The following MACROD2 variants were observed in gnomAD, a reference collection of about 807,000 sequenced individuals.
The protein encoded by MACROD2 is mono-ADP ribosylhydrolase 2.
MACROD2 carries 36 observed loss-of-function variants against 70.4 expected under a neutral mutation model. The observed-to-expected ratio is 0.51, with a 90% CI of 0.39 to 0.68. The LOEUF (loss-of-function observed/expected upper bound fraction) is 0.68. MACROD2 is among the 30% of genes least tolerant of loss of function. MACROD2 has a pLI of 0.00. For missense variants in MACROD2, 496 were observed against 538.4 expected, an observed-to-expected ratio of 0.92 and a Z score of 0.78; for synonymous variants, 172 against 178.8, an observed-to-expected ratio of 0.96 and a Z score of 0.30.
chr20:14,904,201 C>G (rs185180035), intron 5 of MACROD2, among the ~76,000 whole-genome samples: 1 of 152,084 alleles, frequency 6.6e-6, no homozygotes, highest in Non-Finnish European at 1.5e-5. Context: ...GTAGAACTAG[C>G]AACAGTGGAA....
chr20:15,662,713 G>GA (rs1287593571), intron 8 of MACROD2, among the ~76,000 whole-genome samples: 2,273 of 106,154 alleles, frequency 0.021, 64 homozygotes, highest in African/African-American at 0.073. Flanking sequence ...AGCTCAGAGA[G>GA]GGTTTTTTTT....
chr20:14,624,764 G>A (rs993707794), intron 4 of MACROD2, among the ~76,000 whole-genome samples: 18 of 152,280 alleles, frequency 1.2e-4, no homozygotes, highest in African/African-American at 4.1e-4. Context: ...TGCATCCAAG[G>A]TGGGGGATGT....
At chr20:14,887,485 A>T (rs2073694299) in intron 5 of MACROD2, among the ~76,000 whole-genome samples, 1 of 150,566 alleles carries the variant, frequency 6.6e-6, no homozygotes, top group Admixed American at 6.6e-5. Flanking sequence ...CTCTGCCTCT[A>T]AGGGTCAAGT....
intron 6 of MACROD2, among the ~76,000 whole-genome samples, chr20:15,303,762 T>G (rs2077669551): frequency 6.6e-6 from 1 of 152,222 alleles, no homozygotes; most frequent in Non-Finnish European, 1.5e-5. Flanking sequence ...CGTATTTTTT[T>G]CATGCCCCCA....
chr20:15,441,519 T>C (rs2046494640), intron 7 of MACROD2, among the ~76,000 whole-genome samples: 1 of 152,154 alleles, frequency 6.6e-6, no homozygotes, highest in Non-Finnish European at 1.5e-5. Flanking sequence ...ATGAACAATT[T>C]TGGGACTTAA....
chr20:15,044,976 A>G (rs2075382004), intron 5 of MACROD2, among the ~76,000 whole-genome samples: 1 of 152,132 alleles, frequency 6.6e-6, no homozygotes, highest in Admixed American at 6.6e-5. Context: ...CCTTATGTCA[A>G]TGTAAGAGTT....
At chr20:15,257,301 C>T (rs1051811903) in intron 6 of MACROD2, among the ~76,000 whole-genome samples, 2 of 151,870 alleles carry the variant, frequency 1.3e-5, no homozygotes, top group Non-Finnish European at 2.9e-5. Flanking sequence ...AAATGGAAGC[C>T]TCTGGGGGCA....
At chr20:14,921,616 C>CTGTT (rs1326620712) in intron 5 of MACROD2, among the ~76,000 whole-genome samples, 1 of 152,156 alleles carries the variant, frequency 6.6e-6, no homozygotes, top group East Asian at 1.9e-4. Flanking sequence ...GCTGGCCCAG[C>CTGTT]TGTTAGGATA....
chr20:15,083,888 G>C (rs974950521), intron 5 of MACROD2, among the ~76,000 whole-genome samples: 1 of 152,026 alleles, frequency 6.6e-6, no homozygotes, highest in East Asian at 1.9e-4. Context: ...CCTATGTTCT[G>C]TATCTCTGTA....
At chr20:15,252,863 A>G (rs1284377602) in intron 6 of MACROD2, among the ~76,000 whole-genome samples, 1 of 152,160 alleles carries the variant, frequency 6.6e-6, no homozygotes, top group Non-Finnish European at 1.5e-5. Flanking sequence ...TGCCACCTAC[A>G]GAGCCAGCTG....
chr20:15,440,502 A>G (rs1403810876), intron 7 of MACROD2, among the ~76,000 whole-genome samples: 1 of 152,206 alleles, frequency 6.6e-6, no homozygotes, highest in Non-Finnish European at 1.5e-5. Context: ...ACTGGTAAAA[A>G]GGAGACCAGC....
intron 7 of MACROD2, among the ~76,000 whole-genome samples, chr20:15,476,386 CTTCATAAAG>C (rs1242192480): frequency 6.6e-6 from 1 of 152,186 alleles, no homozygotes; most frequent in Non-Finnish European, 1.5e-5. Context: ...ATTCCTTAGC[CTTCATAAAG>C]TTGGAATCTT....
intron 5 of MACROD2, among the ~76,000 whole-genome samples, chr20:15,044,701 G>A (rs939344944): frequency 6.6e-6 from 1 of 152,080 alleles, no homozygotes; most frequent in African/African-American, 2.4e-5. Context: ...AAGCCTTTTG[G>A]CTTGAAAATG....
At chr20:16,003,667 C>T (rs1257714226) in intron 15 of MACROD2, among the ~76,000 whole-genome samples, 2 of 152,044 alleles carry the variant, frequency 1.3e-5, no homozygotes, top group African/African-American at 4.8e-5. Context: ...TGGCAGGAGT[C>T]AAAATGTTGC....
chr20:14,947,446 G>A (rs997088684), intron 5 of MACROD2, among the ~76,000 whole-genome samples: 5 of 152,160 alleles, frequency 3.3e-5, no homozygotes, highest in Non-Finnish European at 1.5e-5. Context: ...CCTCACAAGG[G>A]TGTTGTAAAG....
At chr20:15,543,703 T>C (rs1406491499) in intron 8 of MACROD2, among the ~76,000 whole-genome samples, 3 of 152,246 alleles carry the variant, frequency 2.0e-5, no homozygotes, top group African/African-American at 7.2e-5. Context: ...AGGCACTTTT[T>C]GGCATGTGAA....
chr20:14,948,045 C>A (rs530512497), intron 5 of MACROD2, among the ~76,000 whole-genome samples: 1 of 152,320 alleles, frequency 6.6e-6, no homozygotes, highest in East Asian at 1.9e-4. Context: ...TATTTCCCCT[C>A]CAAGGCATCA....
chr20:15,065,317 T>C (rs765170337), intron 5 of MACROD2, among the ~76,000 whole-genome samples: 4 of 152,206 alleles, frequency 2.6e-5, no homozygotes, highest in African/African-American at 4.8e-5. Flanking sequence ...ATTGCTTTTG[T>C]CTTCATTGAG....
chr20:15,100,773 T>C (rs16995307), intron 5 of MACROD2, among the ~76,000 whole-genome samples: 5,502 of 152,208 alleles, frequency 0.036, 112 homozygotes, highest in Middle Eastern at 0.13. Context: ...TGCTGACTCA[T>C]TAGCTGGGAT....
Sources: allele counts gnomAD v4.1 joint callset (sites outside exome capture counted in the v4.1 genomes callset), GRCh38; gene constraint gnomAD v4.1.1; transcripts MANE v1.5; gene names NCBI Gene and HGNC (gene_info 2026-07-23, HGNC 2026-07-21).